The following NEDD4 variants were observed in gnomAD, a reference collection of about 807,000 sequenced individuals.
NEDD4 encodes NEDD4 E3 ubiquitin protein ligase, also known as E3 ubiquitin-protein ligase NEDD4.
Under a neutral mutation model 144.9 loss-of-function variants are expected in NEDD4, and 99 were observed. That is an observed-to-expected ratio of 0.68 (90% CI 0.58 to 0.81). NEDD4 has a LOEUF of 0.81. Among genes scored for constraint, NEDD4 ranks in the 30% least tolerant of loss-of-function variants. The pLI is 0.00. For synonymous variants in NEDD4, 318 were observed against 350.6 expected (o/e 0.91, Z 1.04); for missense variants, 985 against 1,065.9 (o/e 0.92, Z 1.06).
chr15:55,980,356 C>T (rs2037777948), intron 1 of NEDD4, among the ~76,000 whole-genome samples: 1 of 152,106 alleles, frequency 6.6e-6, no homozygotes, highest in Admixed American at 6.6e-5. Context: ...AAGCCTCATC[C>T]CCCAACTTGG....
intron 5 of NEDD4, among the ~76,000 whole-genome samples, chr15:55,876,556 TA>T (rs778254406): frequency 7.2e-5 from 11 of 152,184 alleles, no homozygotes; most frequent in Admixed American, 2.0e-4. Flanking sequence ...TGACATAAGT[TA>T]ATCATTAATT....
At chr15:55,883,927 T>C (rs1379598515) in intron 5 of NEDD4, among the ~76,000 whole-genome samples, 1 of 150,304 alleles carries the variant, frequency 6.7e-6, no homozygotes, top group East Asian at 2.0e-4. Flanking sequence ...TTGCCCAGGC[T>C]GGAGTACAGT....
At chr15:55,983,420 T>C (rs760350454) in intron 1 of NEDD4, among the ~76,000 whole-genome samples, 2 of 152,156 alleles carry the variant, frequency 1.3e-5, no homozygotes, top group Non-Finnish European at 2.9e-5. Flanking sequence ...CTGCTGACGT[T>C]GTGCCTCTTG....
chr15:55,943,824 G>C (rs968288840), intron 4 of NEDD4, among the ~76,000 whole-genome samples: 1 of 152,160 alleles, frequency 6.6e-6, no homozygotes, highest in Non-Finnish European at 1.5e-5. Flanking sequence ...TTGACTAACC[G>C]CTTGCACTGT....
intron 5 of NEDD4, chr15:55,915,808 G>GT (rs370853036): frequency 5.0e-6 from 8 of 1,613,586 alleles, no homozygotes; most frequent in South Asian, 4.4e-5. Context: ...TGAAGCGGCC[G>GT]TATGTCTCTT....
At chr15:55,981,404 C>T (rs969454065) in intron 1 of NEDD4, among the ~76,000 whole-genome samples, 4 of 151,970 alleles carry the variant, frequency 2.6e-5, no homozygotes, top group Admixed American at 1.3e-4. Flanking sequence ...ACATCACTTA[C>T]GGTGACCGTA....
chr15:55,848,246 G>A (rs559345933), intron 17 of NEDD4, 126 bp downstream of exon 17: 4 of 826,244 alleles, frequency 4.8e-6, no homozygotes, highest in East Asian at 2.4e-5. Flanking sequence ...TGGGAAATGG[G>A]GGAGAGGAGA....
chr15:55,916,697 G>A (rs770662125), intron 5 of NEDD4: 4 of 1,614,004 alleles, frequency 2.5e-6, no homozygotes, highest in Non-Finnish European at 3.4e-6. Flanking sequence ...TTTGAACAAC[G>A]TTAGACGTTG....
chr15:55,969,007 C>T (rs933607425), intron 1 of NEDD4, among the ~76,000 whole-genome samples: 1 of 152,148 alleles, frequency 6.6e-6, no homozygotes, highest in Admixed American at 6.5e-5. Context: ...GTTTCAACAT[C>T]GTATCAAGGA....
At chr15:55,927,840 T>C (rs1484338155) in intron 4 of NEDD4, among the ~76,000 whole-genome samples, 1 of 152,124 alleles carries the variant, frequency 6.6e-6, no homozygotes. Flanking sequence ...TGGCCCCAGT[T>C]GGAGTAGGGA....
chr15:55,929,088 G>A (rs2142245291), intron 4 of NEDD4, among the ~76,000 whole-genome samples: 1 of 152,276 alleles, frequency 6.6e-6, no homozygotes, highest in South Asian at 2.1e-4. Context: ...GACAGATGAA[G>A]CAGGGATGGA....
chr15:55,967,815 G>A (rs1389563273), intron 1 of NEDD4, among the ~76,000 whole-genome samples: 1 of 152,126 alleles, frequency 6.6e-6, no homozygotes, highest in African/African-American at 2.4e-5. Flanking sequence ...GAGCCCAGGA[G>A]TTCAAGACCA....
chr15:55,931,000 GT>G (rs2036769518), intron 4 of NEDD4, among the ~76,000 whole-genome samples: 1 of 152,074 alleles, frequency 6.6e-6, no homozygotes, highest in South Asian at 2.1e-4. Flanking sequence ...TTTAAAAACT[GT>G]ACATACAAGG....
At chr15:55,980,537 C>T (rs576130150) in intron 1 of NEDD4, among the ~76,000 whole-genome samples, 2 of 152,234 alleles carry the variant, frequency 1.3e-5, no homozygotes, top group African/African-American at 4.8e-5. Context: ...GCCCCTCGTA[C>T]AGAGGATGTA....
chr15:55,833,907 T>C lies in NEDD4; in HGVS notation c.2430+131A>G, dbSNP rs2033074067. 26 of 674,858 alleles carry C rather than the reference T, an allele frequency of 3.9e-5. No homozygotes were observed. In the South Asian group the frequency reaches 5.0e-4, roughly 13 times the overall value. The allele number at this position is 674,858 out of a possible 1,614,324, so 41.8% of individuals were successfully genotyped here. A position where few individuals can be genotyped will look rare whatever the true frequency, so the allele number is the denominator to read the frequency against. On this transcript the variant is annotated intron_variant, in intron 26 of 28. Transcript: ENST00000435532. Reference sequence around the variant, plus strand: ...CATGTATACAGTATAAAATCAAAGATAATTTTTTCTGGTCTGTATATTTTT... The same window carrying C: ...CATGTATACAGTATAAAATCAAAGACAATTTTTTCTGGTCTGTATATTTTT...
chr15:55,909,506 T>G (rs546062172), intron 5 of NEDD4, among the ~76,000 whole-genome samples: 1 of 152,312 alleles, frequency 6.6e-6, no homozygotes, highest in South Asian at 2.1e-4. Flanking sequence ...AGCAATACTT[T>G]GGATTATTTC....
chr15:55,840,552 C>T (rs746765330), intron 20 of NEDD4, 35 bp from the exon 21 acceptor site: 2 of 1,613,250 alleles, frequency 1.2e-6, no homozygotes, highest in South Asian at 2.2e-5. Context: ...GGATGATTAC[C>T]AAGTGAAAGA....
At chr15:55,866,274 C>A (rs533678829) in intron 8 of NEDD4, among the ~76,000 whole-genome samples, 84 of 145,618 alleles carry the variant, frequency 5.8e-4, no homozygotes, top group Non-Finnish European at 1.0e-3. Flanking sequence ...TCTATTTTTT[C>A]TTTTTATTGC....
intron 4 of NEDD4, among the ~76,000 whole-genome samples, chr15:55,925,630 T>C (rs1469528131): frequency 6.6e-6 from 1 of 152,208 alleles, no homozygotes; most frequent in African/African-American, 2.4e-5. Context: ...ATATATATTA[T>C]ATTGAACACT....
Sources: allele counts gnomAD v4.1 joint callset (sites outside exome capture counted in the v4.1 genomes callset), GRCh38; gene constraint gnomAD v4.1.1; transcripts MANE v1.5; gene names NCBI Gene and HGNC (gene_info 2026-07-23, HGNC 2026-07-21).